FAXC: variants seen among roughly 807,000 people sequenced by gnomAD.
FAXC encodes the protein failed axon connections homolog, metaxin like GST domain containing, also known as failed axon connections homolog.
A neutral mutation model predicts 41.9 loss-of-function variants in FAXC; 10 were observed. The ratio of observed to expected loss-of-function variants is 0.24; its 90% CI spans 0.15 to 0.41. The LOEUF (loss-of-function observed/expected upper bound fraction) is 0.41, where lower values mean the gene tolerates loss of function less well. FAXC is among the 10% of genes least tolerant of loss of function. The pLI is 1.00. For synonymous variants in FAXC, 183 were observed against 183.8 expected (o/e 1.00, Z 0.03); for missense variants, 399 against 510.9 (o/e 0.78, Z 2.11).
chr6:99,330,903 G>C (rs1458758739), intron 3 of FAXC, among the ~76,000 whole-genome samples: 2 of 152,172 alleles, frequency 1.3e-5, no homozygotes, highest in East Asian at 1.9e-4. Flanking sequence ...AGGTGCCTGA[G>C]GGAAGAGTAT....
intron 1 of FAXC, among the ~76,000 whole-genome samples, 159 bp from the exon 2 acceptor site, chr6:99,343,192 G>C (rs1280887340): frequency 6.6e-6 from 1 of 152,082 alleles, no homozygotes; most frequent in Non-Finnish European, 1.5e-5. Flanking sequence ...TTTGTCGAAG[G>C]GGCTTACCTC....
Position 99,328,221 on chromosome 6 carries a change from C to T in FAXC, c.600-4554G>A, listed in dbSNP as rs541402327. On this transcript the variant is annotated intron_variant, in intron 3 of 5. Coordinates refer to ENST00000389677, the MANE Select transcript of FAXC (RefSeq NM_032511.4). ...CTATAGACTGAACGTTCATGTCCCTCTAAAATTCATGTGTTGAAACCTAAC... is the reference window on the plus strand; with the variant it reads ...CTATAGACTGAACGTTCATGTCCCTTTAAAATTCATGTGTTGAAACCTAAC... Among the ~76,000 whole-genome samples, 215 of 152,310 alleles carry T rather than the reference C, an allele frequency of 1.4e-3. 3 individuals are homozygous for T. In the South Asian group the frequency reaches 0.016, roughly 12 times the overall value.
intron 2 of FAXC, among the ~76,000 whole-genome samples, chr6:99,338,131 A>T (rs1399912761): frequency 1.3e-5 from 2 of 150,894 alleles, no homozygotes; most frequent in South Asian, 4.2e-4. Context: ...CCACAGCACC[A>T]TTTTTTTTTA....
At chr6:99,338,124 C>T (rs1773282920) in intron 2 of FAXC, among the ~76,000 whole-genome samples, 1 of 152,194 alleles carries the variant, frequency 6.6e-6, no homozygotes, top group Admixed American at 6.6e-5. Context: ...TTCTAAACCA[C>T]AGCACCATTT....
chr6:99,341,913 C>G (rs1773441641), intron 2 of FAXC, among the ~76,000 whole-genome samples: 1 of 151,912 alleles, frequency 6.6e-6, no homozygotes, highest in South Asian at 2.1e-4. Flanking sequence ...TAACAAAAAT[C>G]AAAGCTTAAA....
intron 3 of FAXC, among the ~76,000 whole-genome samples, chr6:99,325,879 C>T (rs964671162): frequency 8.5e-5 from 13 of 152,100 alleles, no homozygotes; most frequent in Admixed American, 2.6e-4. Flanking sequence ...TCTAAGCTGA[C>T]GGGTTAGAAG....
chr6:99,280,084 T>A lies in FAXC; in HGVS notation c.*1080A>T, dbSNP rs143714171. 20 of 152,290 alleles carry A rather than the reference T, an allele frequency of 1.3e-4. No homozygotes were observed. Among genetic ancestry groups the A allele is most frequent in the African/African-American group, 4.8e-4 (20 of 41,566 alleles). 9.4% of individuals were successfully genotyped at this position (152,290 alleles called of 1,614,324 possible). ...TTATTCTTCTCAAATAAATCAAACA[T>A]AGGCAACGTAACACTCTGGAGTCAA... On this transcript the variant is annotated 3_prime_UTR_variant, in exon 6 of 6. Transcript: ENST00000389677.
rs764767156 is a variant in FAXC, at chr6:99,281,160, G to C, written c.*4C>G. The C allele has an allele frequency of 1.5e-6, 2 of 1,291,326 alleles. No individual in the cohort carries two copies. The highest frequency in any genetic ancestry group is 2.3e-6 in the Non-Finnish European group (2 of 885,814). The allele number at this position is 1,291,326 out of a possible 1,614,324, so 80.0% of individuals were successfully genotyped here. ...CCAAGGAAGAGGGTCAGTGAGGCTGGACGTCACTTGCACTGTTCGTGGTCT... is the reference window on the plus strand; with the variant it reads ...CCAAGGAAGAGGGTCAGTGAGGCTGCACGTCACTTGCACTGTTCGTGGTCT... On this transcript the variant is annotated 3_prime_UTR_variant, in exon 6 of 6. Coordinates refer to ENST00000389677, the MANE Select transcript of FAXC (RefSeq NM_032511.4).
intron 3 of FAXC, among the ~76,000 whole-genome samples, chr6:99,326,201 A>C (rs1772796903): frequency 6.6e-6 from 1 of 152,232 alleles, no homozygotes; most frequent in South Asian, 2.1e-4. Context: ...ATTTGTGGCA[A>C]TGTAAAGGAA....
At chr6:99,343,441 C>T (rs752901282) in intron 1 of FAXC, among the ~76,000 whole-genome samples, 1 of 152,322 alleles carries the variant, frequency 6.6e-6, no homozygotes, top group East Asian at 1.9e-4. Flanking sequence ...CTGTGTGTCA[C>T]ACATTGTTCT....
chr6:99,276,447 T>C lies in FAXC; in HGVS notation c.*4717A>G, dbSNP rs551844868. On this transcript the variant is annotated 3_prime_UTR_variant, in exon 6 of 6. Coordinates refer to ENST00000389677, the MANE Select transcript of FAXC (RefSeq NM_032511.4). ...CATTTTGATAAATCAATTTTGGGGG[T>C]GGTTAAAAGATAAATGACAAGGACA... 2 of 151,796 alleles carry C rather than the reference T, an allele frequency of 1.3e-5. No homozygotes were observed. Among genetic ancestry groups the C allele is most frequent in the Non-Finnish European group, 2.9e-5 (2 of 67,932 alleles). The allele number at this position is 151,796 out of a possible 1,614,324, so 9.4% of individuals were successfully genotyped here.
chr6:99,290,173 A>C (rs903193607), intron 5 of FAXC, among the ~76,000 whole-genome samples: 1 of 151,086 alleles, frequency 6.6e-6, no homozygotes, highest in South Asian at 2.1e-4. Context: ...TGGCACATCA[A>C]TCCAAGGTGA....
intron 4 of FAXC, among the ~76,000 whole-genome samples, chr6:99,307,335 G>T (rs1771965826): frequency 6.6e-6 from 1 of 152,282 alleles, no homozygotes; most frequent in Non-Finnish European, 1.5e-5. Flanking sequence ...GACTTAAAGA[G>T]ATAAGAGTTA....
rs576920628 is a variant in FAXC at position 99,321,538 on chromosome 6, T to C, written c.823+1906A>G. ...CTTCTCTTATCACAGAGTTCACAAC[T>C]ACACTGCTCCCTGGGCCTCACAGAA... On this transcript the variant is annotated intron_variant, in intron 4 of 5. Transcript: ENST00000389677. Among the ~76,000 whole-genome samples, 45 of 152,346 alleles carry C rather than the reference T, an allele frequency of 3.0e-4. 1 individual carries two copies. The South Asian group carries it at 9.3e-3, about 32-fold the overall frequency.
chr6:99,347,458 C>T (rs1773643791), intron 1 of FAXC, among the ~76,000 whole-genome samples: 1 of 151,826 alleles, frequency 6.6e-6, no homozygotes, highest in Admixed American at 6.6e-5. Context: ...GATTAAACTC[C>T]TTAGTCCAAA....
intron 4 of FAXC, among the ~76,000 whole-genome samples, chr6:99,295,230 T>C (rs1264921260): frequency 1.3e-5 from 2 of 152,248 alleles, no homozygotes; most frequent in African/African-American, 2.4e-5. Flanking sequence ...TGTACACACA[T>C]ACAGGACAGT....
intron 2 of FAXC, among the ~76,000 whole-genome samples, chr6:99,335,276 C>T (rs1479986482): frequency 5.3e-5 from 8 of 152,230 alleles, no homozygotes; most frequent in African/African-American, 1.9e-4. Flanking sequence ...TTCAAAGTTC[C>T]CCTTCTTGTT....
intron 4 of FAXC, among the ~76,000 whole-genome samples, chr6:99,320,649 T>A (rs1165019879): frequency 1.3e-5 from 2 of 152,214 alleles, no homozygotes; most frequent in Admixed American, 1.3e-4. Context: ...ATACATCTTT[T>A]AGCATGATAA....
At position 99,317,996 on chromosome 6, in the gene FAXC, C is replaced by T. The variant is rs141105752; in HGVS notation, c.823+5448G>A. ...AAATAGGGCTGGGCGCGGTGGCTCA[C>T]GCCTGTAATCCCAGCACTTTGGGAG... On this transcript the variant is annotated intron_variant, in intron 4 of 5. Coordinates refer to ENST00000389677, the MANE Select transcript of FAXC (RefSeq NM_032511.4). Among the ~76,000 whole-genome samples, 34 of 152,036 alleles carry T rather than the reference C, an allele frequency of 2.2e-4. 1 individual carries two copies. In the East Asian group the frequency reaches 6.4e-3, roughly 29 times the overall value.
Sources: allele counts gnomAD v4.1 joint callset (sites outside exome capture counted in the v4.1 genomes callset), GRCh38; gene constraint gnomAD v4.1.1; transcripts MANE v1.5; gene names NCBI Gene and HGNC (gene_info 2026-07-23, HGNC 2026-07-21).